Variants in CDC5L observed in about 807,000 individuals in gnomAD.
CDC5L encodes cell division cycle 5-like protein.
CDC5L carries 18 observed loss-of-function variants against 104.1 expected under a neutral mutation model. The observed-to-expected ratio is 0.17, with a 90% confidence interval of 0.12 to 0.26. The LOEUF (loss-of-function observed/expected upper bound fraction) is 0.26. Among genes scored for constraint, CDC5L ranks in the 10% least tolerant of loss-of-function variants. The pLI is 1.00. For missense variants in CDC5L, 673 were observed against 956.9 expected, an observed-to-expected ratio of 0.70 and a Z score of 3.91; for synonymous variants, 331 against 322.7, an observed-to-expected ratio of 1.03 and a Z score of -0.28.
In CDC5L at chr6:44,447,507, T is replaced by C. The variant is rs558590346; in HGVS notation, c.*796T>C. On this transcript the variant is annotated 3_prime_UTR_variant, in exon 16 of 16. Transcript: ENST00000371477. ...TGGGGAATGGATAGAGGTGGAGATA[T>C]TTAATTTTATATAATTCATATAAAT... 3.8e-4 allele frequency: 58 copies of C among 152,346 alleles called. No homozygotes were observed. Among genetic ancestry groups the C allele is most frequent in the African/African-American group, 1.3e-3 (54 of 41,578 alleles). 9.4% of individuals were successfully genotyped at this position (152,346 alleles called of 1,614,324 possible). A position where few individuals can be genotyped will look rare whatever the true frequency, so the allele number is the denominator to read the frequency against.
chr6:44,412,761 A>G (rs1791706057), intron 8 of CDC5L, among the ~76,000 whole-genome samples: 1 of 147,978 alleles, frequency 6.8e-6, no homozygotes, highest in South Asian at 2.1e-4. Context: ...CCATCACCAC[A>G]GTCAATTTTA....
intron 14 of CDC5L, among the ~76,000 whole-genome samples, chr6:44,437,337 C>A (rs1180071512): frequency 6.6e-6 from 1 of 152,020 alleles, no homozygotes; most frequent in Non-Finnish European, 1.5e-5. Context: ...CATGCAGATA[C>A]CCTCCTTTGT....
In CDC5L at chr6:44,422,682, G is replaced by A. The variant is rs747924598; in HGVS notation, c.1277G>A (p.Arg426Gln). ...AATGGAGCTGAAGGGCTGACTCCCCGGAGTGGAACAACTCCCAAACCAGTT... is the reference window on the plus strand; with the variant it reads ...AATGGAGCTGAAGGGCTGACTCCCCAGAGTGGAACAACTCCCAAACCAGTT... ...PSNGAEGLTP[R>Q]SGTTPKPVIN... is the part of the protein sequence containing the mutation. Residue 426 changes from arginine to glutamine, a missense_variant, in exon 10 of 16, where the codon CGG (arginine) becomes CAG (glutamine). Physicochemically the swap from Arg to Gln is conservative, Grantham distance 43. This residue lies in a region of CDC5L where 578 missense variants were observed against 737.0 expected (regional missense o/e 0.78). Coordinates refer to ENST00000371477, the MANE Select transcript of CDC5L (RefSeq NM_001253.4). 1.8e-5 allele frequency: 29 copies of A among 1,612,146 alleles called. No homozygotes were observed. Among genetic ancestry groups the A allele is most frequent in the Admixed American group, 3.3e-5 (2 of 59,764 alleles).
Position 44,390,257 on chromosome 6 carries a change from A to AT in CDC5L, c.46-3dup. 38 of 1,591,726 alleles carry AT rather than the reference A, an allele frequency of 2.4e-5. No individual in the cohort carries two copies. Among genetic ancestry groups the AT allele is most frequent in the Non-Finnish European group, 3.0e-5 (35 of 1,161,136 alleles). ...TTGTGACTGAATGTACTCTTTGGCA[A>AT]TTTTTTTTAGGATGAAATTCTGAAA... On this transcript the variant is annotated splice_polypyrimidine_tract_variant and intron_variant, in intron 1 of 15. Transcript: ENST00000371477.
intron 14 of CDC5L, among the ~76,000 whole-genome samples, chr6:44,439,555 C>A (rs939008245): frequency 6.6e-6 from 1 of 152,178 alleles, no homozygotes; most frequent in Admixed American, 6.5e-5. Context: ...AAAAGAAGGA[C>A]CAGCTGTTTT....
rs1349248000 is a variant in CDC5L, at chr6:44,445,845, C to A, written c.2282C>A (p.Ser761Tyr). ...GAAGAACTCAAGAAACATGAAGATT[C>A]TGCTATTCCCCGGAGGCTAGAGGTA... The part of the protein sequence containing the change: ...TFEELKKHED[S>Y]AIPRRLECLK... The change falls in exon 15 of 16, where the codon TCT (serine) becomes TAT (tyrosine). Residue 761 changes from serine (S) to tyrosine (Y), a missense_variant. By Grantham distance (144) the Ser-to-Tyr change is moderately radical (BLOSUM62 -2). This residue lies in a region of CDC5L where 578 missense variants were observed against 737.0 expected (regional missense o/e 0.78). Coordinates refer to ENST00000371477, the MANE Select transcript of CDC5L (RefSeq NM_001253.4). The A allele has an allele frequency of 4.3e-6, 7 of 1,613,454 alleles. No individual in the cohort carries two copies. Among genetic ancestry groups the A allele is most frequent in the Non-Finnish European group, 5.9e-6 (7 of 1,179,564 alleles).
At chr6:44,392,136 G>A (rs1013087788) in intron 2 of CDC5L, among the ~76,000 whole-genome samples, 24 of 152,214 alleles carry the variant, frequency 1.6e-4, no homozygotes, top group African/African-American at 5.1e-4. Flanking sequence ...AAGTAGACTG[G>A]ATGGAAAAGG....
chr6:44,433,087 A>G (rs576363394), intron 14 of CDC5L, among the ~76,000 whole-genome samples: 8 of 152,358 alleles, frequency 5.3e-5, no homozygotes, highest in East Asian at 1.9e-4. Context: ...CGGGATGGCT[A>G]TAATTCAGTG....
chr6:44,413,928 T>C (rs1375680837), intron 8 of CDC5L, among the ~76,000 whole-genome samples: 1 of 152,242 alleles, frequency 6.6e-6, no homozygotes, highest in African/African-American at 2.4e-5. Context: ...TCTAATTCTT[T>C]ACATCCTCAC....
intron 6 of CDC5L, among the ~76,000 whole-genome samples, chr6:44,405,972 G>T (rs1554158866): frequency 4.0e-5 from 6 of 151,732 alleles, no homozygotes; most frequent in Non-Finnish European, 8.8e-5. Context: ...TGCGATCTCA[G>T]CTCACTGCAA....
intron 8 of CDC5L, among the ~76,000 whole-genome samples, chr6:44,414,147 A>G (rs1256758689): frequency 6.6e-6 from 1 of 151,804 alleles, no homozygotes; most frequent in African/African-American, 2.4e-5. Flanking sequence ...TGGCACCATT[A>G]TGGCTCACTG....
Position 44,414,259 on chromosome 6 carries a change from G to T in CDC5L, c.1093-5190G>T, listed in dbSNP as rs562906987. ...TGTGCCTGGCTAATTTTTTATTTTTGTAGAGATGGGATCTCACTATGTTGT... is the reference window on the plus strand; with the variant it reads ...TGTGCCTGGCTAATTTTTTATTTTTTTAGAGATGGGATCTCACTATGTTGT... On this transcript the variant is annotated intron_variant, in intron 8 of 15. Coordinates refer to ENST00000371477, the MANE Select transcript of CDC5L (RefSeq NM_001253.4). 6.1e-4 allele frequency among the ~76,000 whole-genome samples: 93 copies of T among 151,852 alleles called. 1 individual carries two copies. The South Asian group carries it at 0.018, about 30-fold the overall frequency.
chr6:44,429,136 C>T (rs1434117650), intron 13 of CDC5L, among the ~76,000 whole-genome samples: 1 of 151,414 alleles, frequency 6.6e-6, no homozygotes, highest in Non-Finnish European at 1.5e-5. Context: ...ATTCTTGTGC[C>T]TCAGCCTCCT....
At chr6:44,430,803 C>T (rs1428736832) in intron 14 of CDC5L, among the ~76,000 whole-genome samples, 3 of 152,046 alleles carry the variant, frequency 2.0e-5, no homozygotes, top group Non-Finnish European at 4.4e-5. Flanking sequence ...GATCTCTTGA[C>T]CTCGTGATCC....
At chr6:44,408,981 A>G (rs1791504846) in intron 8 of CDC5L, among the ~76,000 whole-genome samples, 1 of 152,208 alleles carries the variant, frequency 6.6e-6, no homozygotes. Context: ...ACTTAGCTTC[A>G]CATAGTGTGC....
chr6:44,388,051 C>A (rs191440518), intron 1 of CDC5L, among the ~76,000 whole-genome samples, 183 bp downstream of exon 1: 120 of 152,060 alleles, frequency 7.9e-4, no homozygotes, highest in African/African-American at 2.7e-3. Context: ...GCCAGTAGGA[C>A]AGGGACCGTG....
At chr6:44,441,164 T>C (rs1793170118) in intron 14 of CDC5L, among the ~76,000 whole-genome samples, 1 of 152,238 alleles carries the variant, frequency 6.6e-6, no homozygotes, top group Admixed American at 6.5e-5. Context: ...CCCAGTATCC[T>C]CTGGTAGCCA....
rs11571986 is a variant in CDC5L at position 44,420,079 on chromosome 6, A to G, written c.1241+482A>G. Among the ~76,000 whole-genome samples, 1,210 of 152,246 alleles carry G rather than the reference A, an allele frequency of 7.9e-3. 21 individuals carry two copies. The highest frequency in any genetic ancestry group is 0.028 in the African/African-American group (1,156 of 41,526). ...GTAATCCTTTTATGTATGTATTACT[A>G]TTGCTTTCCCTCCAGCATTTTATTA... is the stretch of plus-strand genomic sequence containing the variant. On this transcript the variant is annotated intron_variant, in intron 9 of 15. Coordinates refer to ENST00000371477, the MANE Select transcript of CDC5L (RefSeq NM_001253.4).
At chr6:44,441,072 A>G (rs1471489811) in intron 14 of CDC5L, among the ~76,000 whole-genome samples, 1 of 152,224 alleles carries the variant, frequency 6.6e-6, no homozygotes, top group African/African-American at 2.4e-5. Context: ...GCTATGTAAT[A>G]GATCACCAGA....
Sources: gnomAD v4.1 joint callset for allele counts (sites outside exome capture counted in the v4.1 genomes callset) on GRCh38, gnomAD v4.1.1 for gene constraint, gnomAD v4.1.1 regional missense constraint, MANE v1.5 for transcripts, NCBI Gene and HGNC (gene_info 2026-07-23, HGNC 2026-07-21) for gene names.